Variants in ZDHHC14 observed in about 807,000 individuals in gnomAD.
The protein encoded by ZDHHC14 is zDHHC palmitoyltransferase 14.
A neutral mutation model predicts 47.7 loss-of-function variants in ZDHHC14; 16 were observed. The ratio of observed to expected loss-of-function variants is 0.34; its 90% CI spans 0.23 to 0.51. The LOEUF (loss-of-function observed/expected upper bound fraction) is 0.51. Ranked by LOEUF, ZDHHC14 falls within the 20% of genes least tolerant of loss-of-function variation. The probability of loss-of-function intolerance (pLI) is 0.97; values close to 1 mark genes in which losing one functional copy is unlikely to be tolerated. For synonymous variants in ZDHHC14, 293 were observed against 278.9 expected, an observed-to-expected ratio of 1.05 and a Z score of -0.50; for missense variants, 515 against 662.5, an observed-to-expected ratio of 0.78 and a Z score of 2.44.
At chr6:157,448,241 G>C (rs1778726440) in intron 1 of ZDHHC14, among the ~76,000 whole-genome samples, 2 of 152,186 alleles carry the variant, frequency 1.3e-5, no homozygotes. Flanking sequence ...TCAAGTAACT[G>C]AAAGGATGTT....
In ZDHHC14 at chr6:157,423,378, C is replaced by T. The variant is rs149649456; in HGVS notation, c.245+41112C>T. 2.7e-3 allele frequency among the ~76,000 whole-genome samples: 416 copies of T among 152,152 alleles called. 2 individuals are homozygous for T. The highest frequency in any genetic ancestry group is 9.5e-3 in the African/African-American group (393 of 41,508). On this transcript the variant is annotated intron_variant, in intron 1 of 8. Transcript: ENST00000359775. The stretch of plus-strand genomic sequence containing the variant: ...GGAATTTGTGATTATTCATATGGTG[C>T]GGCAGGGTGCTGGGAAGACCTAGAC...
intron 3 of ZDHHC14, among the ~76,000 whole-genome samples, chr6:157,605,549 G>A (rs919072268): frequency 5.9e-5 from 9 of 152,330 alleles, no homozygotes; most frequent in Admixed American, 5.2e-4. Flanking sequence ...TTCAGAGAGG[G>A]CAGAGACTTG....
chr6:157,622,216 CAAAAAAAAAA>C (rs35681787), intron 3 of ZDHHC14, among the ~76,000 whole-genome samples: 29 of 93,866 alleles, frequency 3.1e-4, no homozygotes, highest in Admixed American at 7.2e-4. Flanking sequence ...ACTAAAAATA[CAAAAAAAAAA>C]AAAAAAAAAA....
intron 1 of ZDHHC14, among the ~76,000 whole-genome samples, chr6:157,447,274 G>A (rs938190660): frequency 6.6e-6 from 1 of 152,252 alleles, no homozygotes; most frequent in Non-Finnish European, 1.5e-5. Flanking sequence ...GCCTTGCCCA[G>A]GCCCTTCAGT....
rs572564333 is a variant in ZDHHC14 at position 157,662,528 on chromosome 6, C to G, written c.1068+8901C>G. ...CAGTTGAATGTATGTGCAAATTCCCCTCACAGGGGCTCGCACACAGGAGGC... is the reference window on the plus strand; with the variant it reads ...CAGTTGAATGTATGTGCAAATTCCCGTCACAGGGGCTCGCACACAGGAGGC... On this transcript the variant is annotated intron_variant, in intron 8 of 8. Transcript: ENST00000359775. Among the ~76,000 whole-genome samples, 7 of 152,390 alleles carry G rather than the reference C, an allele frequency of 4.6e-5. No homozygotes were observed. The East Asian group carries it at 7.7e-4, about 17-fold the overall frequency.
At chr6:157,458,404 G>A (rs1778981111) in intron 1 of ZDHHC14, among the ~76,000 whole-genome samples, 1 of 151,942 alleles carries the variant, frequency 6.6e-6, no homozygotes, top group African/African-American at 2.4e-5. Context: ...CTATTCTGTT[G>A]GTATCTGTTA....
At chr6:157,632,667 CTT>C in intron 4 of ZDHHC14, 165 bp from the exon 5 acceptor site, 1 of 700,092 alleles carries the variant, frequency 1.4e-6, no homozygotes, top group African/African-American at 1.8e-5. Context: ...TGATGAAAAA[CTT>C]TAGTGGCATC....
chr6:157,457,485 G>A (rs1317247661), intron 1 of ZDHHC14, among the ~76,000 whole-genome samples: 4 of 152,138 alleles, frequency 2.6e-5, no homozygotes, highest in African/African-American at 9.7e-5. Flanking sequence ...AGCCTGTACT[G>A]TTCTTACTTT....
chr6:157,466,754 G>A (rs966177693), intron 1 of ZDHHC14, among the ~76,000 whole-genome samples: 2 of 151,844 alleles, frequency 1.3e-5, no homozygotes, highest in African/African-American at 4.8e-5. Flanking sequence ...AGGAGAATCA[G>A]TTGAACCCAG....
At chr6:157,551,929 C>A (rs943536866) in intron 2 of ZDHHC14, among the ~76,000 whole-genome samples, 1 of 152,018 alleles carries the variant, frequency 6.6e-6, no homozygotes, top group African/African-American at 2.4e-5. Context: ...TAAAATAGAC[C>A]CACTGAGTGC....
At chr6:157,393,276 C>T (rs1414455275) in intron 1 of ZDHHC14, among the ~76,000 whole-genome samples, 2 of 152,216 alleles carry the variant, frequency 1.3e-5, no homozygotes, top group African/African-American at 4.8e-5. Flanking sequence ...AAACTGCTGA[C>T]TTCCATGCTG....
intron 3 of ZDHHC14, among the ~76,000 whole-genome samples, chr6:157,626,274 C>T (rs150179035): frequency 1.3e-5 from 2 of 152,224 alleles, no homozygotes; most frequent in African/African-American, 4.8e-5. Flanking sequence ...AGATTCCATC[C>T]CAGCATGTGC....
chr6:157,529,823 G>T (rs1322286348), intron 1 of ZDHHC14, among the ~76,000 whole-genome samples: 1 of 152,208 alleles, frequency 6.6e-6, no homozygotes, highest in Non-Finnish European at 1.5e-5. Flanking sequence ...GAGAGACCAT[G>T]CCTTGGGCCC....
At chr6:157,647,175 T>A in intron 6 of ZDHHC14, 84 bp from the exon 7 acceptor site, 1 of 887,262 alleles carries the variant, frequency 1.1e-6, no homozygotes, top group Non-Finnish European at 1.8e-6. Context: ...TTGCATTCTT[T>A]ATGAGCCTCT....
At chr6:157,548,892 G>T (rs34704715) in intron 2 of ZDHHC14, among the ~76,000 whole-genome samples, 68,618 of 152,106 alleles carry the variant, frequency 0.45, 15,690 homozygotes, top group African/African-American at 0.52. Flanking sequence ...GGTCTGCTGG[G>T]CCCTGATGAA....
intron 1 of ZDHHC14, among the ~76,000 whole-genome samples, chr6:157,457,221 C>T (rs1377954210): frequency 7.4e-5 from 11 of 148,524 alleles, no homozygotes; most frequent in Admixed American, 6.7e-4. Context: ...ACTTTTTTGG[C>T]GCCAGAGTGG....
chr6:157,598,006 G>A (rs758845535), intron 3 of ZDHHC14, among the ~76,000 whole-genome samples: 25 of 151,950 alleles, frequency 1.6e-4, no homozygotes, highest in Admixed American at 5.9e-4. Context: ...TTCCTCTCCC[G>A]GGCACTTGAC....
chr6:157,456,183 C>T (rs544745489), intron 1 of ZDHHC14, among the ~76,000 whole-genome samples: 6 of 152,296 alleles, frequency 3.9e-5, no homozygotes, highest in African/African-American at 1.2e-4. Context: ...GAGGCTGCCA[C>T]GGCGCGTGGC....
At chr6:157,445,588 C>T (rs1399116607) in intron 1 of ZDHHC14, among the ~76,000 whole-genome samples, 2 of 152,152 alleles carry the variant, frequency 1.3e-5, no homozygotes, top group Admixed American at 6.5e-5. Flanking sequence ...GGTTGGTGAG[C>T]GGAGAGTTCT....
Sources: gnomAD v4.1 joint callset for allele counts (sites outside exome capture counted in the v4.1 genomes callset) on GRCh38, gnomAD v4.1.1 for gene constraint, MANE v1.5 for transcripts, NCBI Gene and HGNC (gene_info 2026-07-23, HGNC 2026-07-21) for gene names.